RPN2: variants seen among roughly 807,000 people sequenced by gnomAD.
RPN2 encodes ribophorin II.
A neutral mutation model predicts 71.4 loss-of-function variants in RPN2; 29 were observed. The observed-to-expected ratio is 0.41, with a 90% CI of 0.30 to 0.55. The LOEUF is 0.55. Among genes scored for constraint, RPN2 ranks in the 20% least tolerant of loss-of-function variants. The pLI is 0.35. For missense variants in RPN2, 726 were observed against 774.1 expected, an observed-to-expected ratio of 0.94 and a Z score of 0.74; for synonymous variants, 308 against 305.0, an observed-to-expected ratio of 1.01 and a Z score of -0.10.
At chr20:37,192,747 C>T (rs2067170752) in intron 2 of RPN2, among the ~76,000 whole-genome samples, 1 of 152,098 alleles carries the variant, frequency 6.6e-6, no homozygotes, top group Non-Finnish European at 1.5e-5. Context: ...GAGATATGTG[C>T]TGTTATAAAT....
intron 2 of RPN2, among the ~76,000 whole-genome samples, chr20:37,185,144 CTTTT>C (rs540014605): frequency 2.2e-5 from 3 of 136,560 alleles, no homozygotes; most frequent in African/African-American, 2.8e-5. Context: ...TCGGGACAGT[CTTTT>C]TTTTTTTTTT....
chr20:37,241,361 G>A lies in RPN2; in HGVS notation c.*46G>A, dbSNP rs558320367. The A allele has an allele frequency of 5.0e-6, 8 of 1,605,856 alleles. No homozygotes were observed. The African/African-American group carries it at 9.4e-5, about 19-fold the overall frequency. Reference sequence around the variant, plus strand: ...TTCTGAAAACTGAATGTCAAGAAAAGGAGTCAAGAACAATTCACAGTATGA... The same window carrying A: ...TTCTGAAAACTGAATGTCAAGAAAAAGAGTCAAGAACAATTCACAGTATGA... On this transcript the variant is annotated 3_prime_UTR_variant, in exon 17 of 17. Transcript: ENST00000237530.
chr20:37,223,845 G>T (rs757490362), intron 9 of RPN2, 33 bp from the exon 10 acceptor site: 9 of 1,580,752 alleles, frequency 5.7e-6, no homozygotes, highest in South Asian at 1.1e-5. Context: ...CCCACCAATT[G>T]ACCTGGCAAC....
chr20:37,234,181 C>A, intron 15 of RPN2, 86 bp downstream of exon 15: 1 of 1,257,530 alleles, frequency 8.0e-7, no homozygotes, highest in Non-Finnish European at 1.1e-6. Flanking sequence ...AGACCCACAA[C>A]CTATTACCTA....
rs1414609754 is a variant in RPN2, at chr20:37,198,455, A to G, written c.266A>G (p.Tyr89Cys). The change falls in exon 3 of 17, where the codon TAC becomes TGC. Residue 89 changes from tyrosine (Y) to cysteine (C), a missense_variant. Coordinates refer to ENST00000237530, the MANE Select transcript of RPN2 (RefSeq NM_002951.5). Reference protein sequence around the residue: ...LDPSNVDSLFYAAQASQALSG... With the variant: ...LDPSNVDSLFCAAQASQALSG... ...CCCAGCAATGTGGATTCCCTCTTCT[A>G]CGCTGCCCAGGCCAGCCAGGCCCTC... The G allele has an allele frequency of 1.9e-6, 3 of 1,614,226 alleles. No individual in the cohort carries two copies. The highest frequency in any genetic ancestry group is 1.1e-5 in the South Asian group (1 of 91,084).
chr20:37,195,074 G>C lies in RPN2; in HGVS notation c.208-3323G>C, dbSNP rs376361549. On this transcript the variant is annotated intron_variant, in intron 2 of 16. Coordinates refer to ENST00000237530, the MANE Select transcript of RPN2 (RefSeq NM_002951.5). ...ATTAATTGGGGTATTAGCACAGAAA[G>C]TTGGAAGCAAGCAGATCGGGGGTGG... Among the ~76,000 whole-genome samples, 6 of 152,274 alleles carry C rather than the reference G, an allele frequency of 3.9e-5. No individual in the cohort carries two copies. In the East Asian group the frequency reaches 9.7e-4, roughly 25 times the overall value.
At chr20:37,186,401 C>A (rs2067010986) in intron 2 of RPN2, among the ~76,000 whole-genome samples, 1 of 152,238 alleles carries the variant, frequency 6.6e-6, no homozygotes, top group African/African-American at 2.4e-5. Context: ...TAGGCATACA[C>A]TACTGCACCT....
Position 37,228,613 on chromosome 20 carries a change from A to G in RPN2, c.1363A>G (p.Asn455Asp), listed in dbSNP as rs754734597. The change falls in exon 12 of 17, where the codon AAC becomes GAC. Residue 455 changes from asparagine (N) to aspartate (D), a missense_variant. Asn to Asp is a conservative substitution (Grantham distance 23). Coordinates refer to ENST00000237530, the MANE Select transcript of RPN2 (RefSeq NM_002951.5). ...QEVVFVAEPD[N>D]KNVYKFELDT... ...AGTGGTGTTTGTTGCCGAGCCAGAC[A>G]ACAAGAACGTGTACAAGTTTGAACT... is the stretch of plus-strand genomic sequence containing the variant. The G allele has an allele frequency of 1.2e-6, 2 of 1,614,258 alleles. No homozygotes were observed. Among genetic ancestry groups the G allele is most frequent in the South Asian group, 1.1e-5 (1 of 91,090 alleles).
At chr20:37,188,783 AAT>A (rs1568962224) in intron 2 of RPN2, among the ~76,000 whole-genome samples, 6 of 131,042 alleles carry the variant, frequency 4.6e-5, no homozygotes, top group Admixed American at 7.5e-5. Context: ...TGCCTAGCTA[AAT>A]TTTTTTTTTT....
chr20:37,207,415 C>T lies in RPN2; in HGVS notation c.833C>T (p.Ser278Phe), dbSNP rs1007858744. The T allele has an allele frequency of 6.2e-7, 1 of 1,614,210 alleles. No homozygotes were observed. Among genetic ancestry groups the T allele is most frequent in the Non-Finnish European group, 8.5e-7 (1 of 1,180,030 alleles). ...HVPVVVVPEG[S>F]ASDTHEQAIL... Reference sequence around the variant, plus strand: ...CCAGTTGTGGTTGTGCCTGAGGGCTCTGCTTCCGACACTCATGAACAGGCT... The same window carrying T: ...CCAGTTGTGGTTGTGCCTGAGGGCTTTGCTTCCGACACTCATGAACAGGCT... The change falls in exon 7 of 17, where the codon TCT becomes TTT. Residue 278 changes from serine (S) to phenylalanine (F), a missense_variant. By Grantham distance (155) the Ser-to-Phe change is radical. Coordinates refer to ENST00000237530, the MANE Select transcript of RPN2 (RefSeq NM_002951.5).
At chr20:37,205,569 G>C (rs1346908621) in intron 6 of RPN2, among the ~76,000 whole-genome samples, 1 of 152,012 alleles carries the variant, frequency 6.6e-6, no homozygotes, top group Non-Finnish European at 1.5e-5. Flanking sequence ...GGAGAGATTT[G>C]GGTTTTAAGT....
chr20:37,189,528 T>G (rs981160029), intron 2 of RPN2, among the ~76,000 whole-genome samples: 2 of 152,230 alleles, frequency 1.3e-5, no homozygotes, highest in Non-Finnish European at 2.9e-5. Context: ...AATTTTTTCC[T>G]GACAACCAGC....
chr20:37,237,526 G>A (rs1339926373), intron 16 of RPN2, among the ~76,000 whole-genome samples: 1 of 152,172 alleles, frequency 6.6e-6, no homozygotes, highest in African/African-American at 2.4e-5. Flanking sequence ...TTAGGGTGCT[G>A]GGATCAGAGA....
At position 37,225,679 on chromosome 20, in the gene RPN2, C is replaced by G. The variant is rs776590166; in HGVS notation, c.1185-9C>G. 1.9e-6 allele frequency: 3 copies of G among 1,591,008 alleles called. No homozygotes were observed. The Admixed American group carries it at 5.0e-5, about 27-fold the overall frequency. ...CTCTCTGAAGACTAACTCTATATGC[C>G]TCTTTCAGGGTGACATACCCAGCCA... On this transcript the variant is annotated splice_polypyrimidine_tract_variant and intron_variant, in intron 10 of 16. Coordinates refer to ENST00000237530, the MANE Select transcript of RPN2 (RefSeq NM_002951.5).
intron 8 of RPN2, 88 bp downstream of exon 8, chr20:37,210,253 A>T (rs2067625266): frequency 6.3e-7 from 1 of 1,599,314 alleles, no homozygotes; most frequent in Admixed American, 1.7e-5. Flanking sequence ...AATACATTCC[A>T]GTTAGGTAAA....
In RPN2 at chr20:37,210,061, T is replaced by C; in HGVS notation, c.882T>C (p.Asn294=). 6.2e-7 allele frequency: 1 copy of C among 1,614,090 alleles called. No individual in the cohort carries two copies. The highest frequency in any genetic ancestry group is 8.5e-7 in the Non-Finnish European group (1 of 1,180,000). The change falls in exon 8 of 17, where the codon AAT becomes AAC. Residue 294 remains asparagine, a synonymous_variant. Coordinates refer to ENST00000237530, the MANE Select transcript of RPN2 (RefSeq NM_002951.5). ...EQAILRLQVT[N]VLSQPLTQAT... ...TTTATTTCCAGTTGCAAGTCACCAA[T>C]GTTCTGTCTCAGCCTCTGACTCAGG... is the stretch of plus-strand genomic sequence containing the variant.
Position 37,198,423 on chromosome 20 carries a change from C to T in RPN2, c.234C>T (p.Asn78=), listed in dbSNP as rs2067303145. 2 of 1,614,090 alleles carry T rather than the reference C, an allele frequency of 1.2e-6. No homozygotes were observed. The highest frequency in any genetic ancestry group is 1.3e-5 in the African/African-American group (1 of 74,918). Residue 78 remains asparagine (N), a synonymous_variant, in exon 3 of 17, where the codon AAC becomes AAT. Coordinates refer to ENST00000237530, the MANE Select transcript of RPN2 (RefSeq NM_002951.5). ...AAGCATGTACCTACATCAGATCTAACCTTGATCCCAGCAATGTGGATTCCC... is the reference window on the plus strand; with the variant it reads ...AAGCATGTACCTACATCAGATCTAATCTTGATCCCAGCAATGTGGATTCCC... ...AKKACTYIRS[N]LDPSNVDSLF...
Position 37,207,466 on chromosome 20 carries a change from C to T in RPN2, c.867+17C>T, listed in dbSNP as rs1480736667. The T allele has an allele frequency of 6.2e-7, 1 of 1,612,290 alleles. No individual in the cohort carries two copies. Among genetic ancestry groups the T allele is most frequent in the South Asian group, 1.1e-5 (1 of 91,016 alleles). On this transcript the variant is annotated intron_variant, in intron 7 of 16. Transcript: ENST00000237530. ...ATCTTGCGGGTAAGACATCCATGCC[C>T]AAAGTGTGCCCCTCTGATTATCATT...
chr20:37,180,475 A>G (rs905967646), intron 1 of RPN2, among the ~76,000 whole-genome samples: 2 of 152,234 alleles, frequency 1.3e-5, no homozygotes, highest in African/African-American at 4.8e-5. Flanking sequence ...ACTTTTAGTC[A>G]GAAAAGTTAC....
Sources: allele counts gnomAD v4.1 joint callset (sites outside exome capture counted in the v4.1 genomes callset), GRCh38; gene constraint gnomAD v4.1.1; transcripts MANE v1.5; gene names NCBI Gene and HGNC (gene_info 2026-07-23, HGNC 2026-07-21).